Variants in SDAD1 observed in about 807,000 individuals in gnomAD.
SDAD1 encodes protein SDA1 homolog.
In SDAD1, 79 loss-of-function variants were observed where a neutral mutation model predicts 100.3. That is an observed-to-expected ratio of 0.79 (90% CI 0.66 to 0.95). The LOEUF is 0.95. Ranked by LOEUF, SDAD1 falls within the 40% of genes least tolerant of loss-of-function variation. SDAD1 has a pLI of 0.00. For missense variants in SDAD1, 790 were observed against 810.9 expected (o/e 0.97, Z 0.31); for synonymous variants, 267 against 271.4 (o/e 0.98, Z 0.16).
chr4:75,974,461 A>G (rs971699531), intron 6 of SDAD1, among the ~76,000 whole-genome samples: 3 of 151,952 alleles, frequency 2.0e-5, no homozygotes, highest in Non-Finnish European at 4.4e-5. Context: ...CATTCCTGTA[A>G]TCCCAGCACT....
At chr4:75,960,974 C>A (rs1729195839) in intron 16 of SDAD1, 54 bp downstream of exon 16, 33 of 1,443,384 alleles carry the variant, frequency 2.3e-5, no homozygotes, top group Non-Finnish European at 2.9e-5. Flanking sequence ...TAGGAAATTT[C>A]TCTCAGTTTG....
Position 75,971,350 on chromosome 4 carries a change from G to A in SDAD1, c.813+7C>T. The A allele has an allele frequency of 6.3e-7, 1 of 1,595,540 alleles. No homozygotes were observed. Among genetic ancestry groups the A allele is most frequent in the Non-Finnish European group, 8.6e-7 (1 of 1,163,640 alleles). ...CTCCTATCTCATTTTCCAGATACAA[G>A]TCCCACCTTGAGCACTTTCATTGCC... On this transcript the variant is annotated splice_region_variant and intron_variant, in intron 9 of 21. Coordinates refer to ENST00000356260, the MANE Select transcript of SDAD1 (RefSeq NM_018115.4).
In SDAD1 at chr4:75,957,530, T is replaced by TTTTA; in HGVS notation, c.1756_1757insTAAA (p.Asp586ValfsTer3). On this transcript the variant is annotated frameshift_variant, in exon 19 of 22. Transcript: ENST00000356260. LOFTEE classifies it high-confidence loss of function. ...TGTGCCATTTTACCTGGGCTCTTCA[T>TTTTA]CACTGTCTATTTCAATGTATTTCCT... The TTTTA allele has an allele frequency of 6.2e-7, 1 of 1,614,180 alleles. No homozygotes were observed. The highest frequency in any genetic ancestry group is 8.5e-7 in the Non-Finnish European group (1 of 1,180,022).
rs1305837115 is a variant in SDAD1 at position 75,950,642 on chromosome 4, A to T, written c.*108T>A. On this transcript the variant is annotated 3_prime_UTR_variant, in exon 22 of 22. Coordinates refer to ENST00000356260, the MANE Select transcript of SDAD1 (RefSeq NM_018115.4). ...CCACATGTTCAGCAGTTTTCACAAT[A>T]CAGTGTGTCTGGACTTTTTAATGTA... 2 of 696,706 alleles carry T rather than the reference A, an allele frequency of 2.9e-6. No homozygotes were observed. The highest frequency in any genetic ancestry group is 5.2e-5 in the East Asian group (2 of 38,294). 43.2% of individuals were successfully genotyped at this position (696,706 alleles called of 1,614,324 possible).
intron 21 of SDAD1, 151 bp downstream of exon 21, chr4:75,955,824 A>T: frequency 1.1e-6 from 1 of 885,420 alleles, no homozygotes; most frequent in Non-Finnish European, 1.7e-6. Context: ...TGCTCCCATT[A>T]ATGGGAACTC....
rs764651102 is a variant in SDAD1, at chr4:75,990,757, C to T, written c.85G>A (p.Glu29Lys). ...LIKRDPPAYI[E>K]EFLQQYNHYK... Reference sequence around the variant, plus strand: ...CTGCCGCGCCGCACTCCCACCTCCTCGATGTAGGCCGGCGGGTCTCGCTTG... The same window carrying T: ...CTGCCGCGCCGCACTCCCACCTCCTTGATGTAGGCCGGCGGGTCTCGCTTG... Residue 29 changes from glutamate (E) to lysine (K), a missense_variant, in exon 1 of 22, where the codon GAG becomes AAG. Glu to Lys is a moderately conservative substitution (Grantham distance 56). Transcript: ENST00000356260. 2.7e-5 allele frequency: 43 copies of T among 1,613,916 alleles called. No homozygotes were observed. Among genetic ancestry groups the T allele is most frequent in the Non-Finnish European group, 3.3e-5 (39 of 1,179,968 alleles).
rs1028300679 is a variant in SDAD1, at chr4:75,990,913, C to T, written c.-72G>A. On this transcript the variant is annotated 5_prime_UTR_variant, in exon 1 of 22. Transcript: ENST00000356260. ...GACGGCCGGCACCCCGCAATCCCTG[C>T]CAGCTGCAGCTTGGACTCGTGTTTC... 6.3e-7 allele frequency: 1 copy of T among 1,578,788 alleles called. No homozygotes were observed. Among genetic ancestry groups the T allele is most frequent in the Non-Finnish European group, 8.7e-7 (1 of 1,151,360 alleles).
intron 1 of SDAD1, among the ~76,000 whole-genome samples, chr4:75,988,334 T>C (rs779446102): frequency 6.6e-6 from 1 of 152,204 alleles, no homozygotes; most frequent in South Asian, 2.1e-4. Context: ...GGCCTTTATG[T>C]TCCTGAAATC....
chr4:75,988,373 A>T (rs1252111730), intron 1 of SDAD1, among the ~76,000 whole-genome samples: 1 of 152,102 alleles, frequency 6.6e-6, no homozygotes, highest in African/African-American at 2.4e-5. Flanking sequence ...CAAGGTCTTT[A>T]TACCTTCTGT....
chr4:75,955,844 G>C, intron 21 of SDAD1, 131 bp downstream of exon 21: 1 of 1,049,398 alleles, frequency 9.5e-7, no homozygotes. Context: ...CTCCAACAAT[G>C]CTCTCCAACA....
chr4:75,988,560 G>A (rs1227028407), intron 1 of SDAD1, among the ~76,000 whole-genome samples: 2 of 151,884 alleles, frequency 1.3e-5, no homozygotes, highest in Non-Finnish European at 2.9e-5. Flanking sequence ...TTTTTTCACA[G>A]CACTTTTCAT....
At chr4:75,958,872 C>T (rs191273289) in intron 17 of SDAD1, among the ~76,000 whole-genome samples, 2,961 of 149,800 alleles carry the variant, frequency 0.02, 40 homozygotes, top group Middle Eastern at 0.043. Context: ...CTGAGGCGGG[C>T]GGATCACAAG....
At chr4:75,961,146 G>C (rs1304920031) in intron 15 of SDAD1, 42 bp from the exon 16 acceptor site, 2 of 1,605,966 alleles carry the variant, frequency 1.2e-6, no homozygotes, top group African/African-American at 2.7e-5. Context: ...GGCCCATAGA[G>C]TACAATGAGG....
intron 21 of SDAD1, among the ~76,000 whole-genome samples, chr4:75,953,899 A>G (rs559975937): frequency 8.2e-4 from 125 of 152,332 alleles, no homozygotes; most frequent in Non-Finnish European, 1.5e-3. Flanking sequence ...TGAGCTGCCT[A>G]AGTAGCATGG....
At chr4:75,961,669 A>G (rs541848796) in intron 14 of SDAD1, among the ~76,000 whole-genome samples, 56 of 152,368 alleles carry the variant, frequency 3.7e-4, no homozygotes, top group Non-Finnish European at 7.1e-4. Context: ...GCTGCTGTTC[A>G]GCATATCACT....
intron 16 of SDAD1, 91 bp downstream of exon 16, chr4:75,960,937 G>A (rs1204511698): frequency 1.3e-5 from 13 of 977,330 alleles, no homozygotes; most frequent in Non-Finnish European, 1.8e-5. Context: ...CATAACAGAA[G>A]CATCATAAGT....
chr4:75,960,898 T>C, intron 16 of SDAD1, 130 bp downstream of exon 16: 1 of 757,596 alleles, frequency 1.3e-6, no homozygotes, highest in Non-Finnish European at 2.3e-6. Flanking sequence ...GCTTAAAGAA[T>C]ACAACCGTGT....
In SDAD1 at chr4:75,985,061, C is replaced by A. The variant is rs151146944; in HGVS notation, c.91-3024G>T. On this transcript the variant is annotated intron_variant, in intron 1 of 21. Transcript: ENST00000356260. ...CTGAATAGGAGTGAGGAGAGGGCTA[C>A]ACAACTCTTTATGCTACTGACAAAA... is the stretch of plus-strand genomic sequence containing the variant. Among the ~76,000 whole-genome samples, 108 of 152,242 alleles carry A rather than the reference C, an allele frequency of 7.1e-4. 1 individual carries two copies. The highest frequency in any genetic ancestry group is 2.5e-3 in the African/African-American group (105 of 41,518).
At position 75,957,651 on chromosome 4, in the gene SDAD1, T is replaced by C; in HGVS notation, c.1636A>G (p.Ser546Gly). ...TCCTGAGTTAAAACTCGGCTAGTGC[T>C]GATGGCTGCAGCTTTGGCCTTCCGC... ...EERKAKAAAI[S>G]TSRVLTQEDF... is the part of the protein sequence containing the mutation. Residue 546 changes from serine to glycine, a missense_variant, in exon 19 of 22, where the codon AGC (serine) becomes GGC (glycine). Coordinates refer to ENST00000356260, the MANE Select transcript of SDAD1 (RefSeq NM_018115.4). The C allele has an allele frequency of 6.2e-7, 1 of 1,614,220 alleles. No individual in the cohort carries two copies. Among genetic ancestry groups the C allele is most frequent in the African/African-American group, 1.3e-5 (1 of 75,062 alleles).
Sources: gnomAD v4.1 joint callset for allele counts (sites outside exome capture counted in the v4.1 genomes callset) on GRCh38, gnomAD v4.1.1 for gene constraint, MANE v1.5 for transcripts, NCBI Gene and HGNC (gene_info 2026-07-23, HGNC 2026-07-21) for gene names.